Variants in EMSY observed in about 807,000 individuals in gnomAD.
EMSY encodes the protein EMSY transcriptional repressor, BRCA2 interacting, also known as BRCA2-interacting transcriptional repressor EMSY.
A neutral mutation model predicts 134.6 loss-of-function variants in EMSY; 26 were observed. The ratio of observed to expected loss-of-function variants is 0.19; its 90% confidence interval spans 0.14 to 0.27. The LOEUF is 0.27. EMSY is among the 10% of genes least tolerant of loss of function. The pLI is 1.00. For synonymous variants in EMSY, 579 were observed against 577.8 expected (o/e 1.00, Z -0.03); for missense variants, 1,305 against 1,611.4 (o/e 0.81, Z 3.26).
chr11:76,462,096 A>G (rs1948144471), intron 6 of EMSY, among the ~76,000 whole-genome samples: 1 of 151,788 alleles, frequency 6.6e-6, no homozygotes, highest in Non-Finnish European at 1.5e-5. Flanking sequence ...AAAATTAGCC[A>G]GGTGTGGTGG....
At chr11:76,465,138 A>C (rs1161317197) in intron 7 of EMSY, among the ~76,000 whole-genome samples, 1 of 151,946 alleles carries the variant, frequency 6.6e-6, no homozygotes, top group Non-Finnish European at 1.5e-5. Flanking sequence ...ACATTTCTTG[A>C]GTTATTTGAT....
In EMSY at chr11:76,514,172, TC is replaced by T. The variant is rs1414566397; in HGVS notation, c.1513+639del. 2.6e-5 allele frequency among the ~76,000 whole-genome samples: 4 copies of T among 152,182 alleles called. No individual in the cohort carries two copies. The East Asian group carries it at 7.7e-4, about 29-fold the overall frequency. On this transcript the variant is annotated intron_variant, in intron 10 of 20. Transcript: ENST00000334736. The stretch of plus-strand genomic sequence containing the variant: ...CTTTGTTTATTTGTTTTTGTTTTTT[TC>T]CTTGTTTATTTAAATGGGATAATAA...
intron 11 of EMSY, among the ~76,000 whole-genome samples, chr11:76,519,295 C>T (rs1268955412): frequency 6.6e-6 from 1 of 152,112 alleles, no homozygotes; most frequent in Non-Finnish European, 1.5e-5. Context: ...AAACTCCTGA[C>T]CTCAGGTGAT....
At chr11:76,490,070 C>T (rs74752710) in intron 8 of EMSY, among the ~76,000 whole-genome samples, 6,122 of 152,084 alleles carry the variant, frequency 0.04, 150 homozygotes, top group Admixed American at 0.051. Flanking sequence ...TATTAATTAT[C>T]GGTAGGATTG....
intron 17 of EMSY, among the ~76,000 whole-genome samples, chr11:76,540,723 A>G (rs1180297210): frequency 6.7e-6 from 1 of 148,552 alleles, no homozygotes; most frequent in Non-Finnish European, 1.5e-5. Context: ...ACACCCCACT[A>G]TGACTTTTCT....
At chr11:76,544,150 T>C in intron 18 of EMSY, 109 bp from the exon 20 acceptor site, 1 of 1,159,596 alleles carries the variant, frequency 8.6e-7, no homozygotes, top group Non-Finnish European at 1.2e-6. Flanking sequence ...TTCTAGGTTC[T>C]TCTGAAAATT....
chr11:76,496,073 T>A, intron 8 of EMSY, 142 bp from the exon 10 acceptor site: 1 of 827,124 alleles, frequency 1.2e-6, no homozygotes, highest in South Asian at 2.0e-5. Context: ...ACACATTTTA[T>A]CTGACACTTA....
chr11:76,470,330 A>G (rs1191860492), intron 7 of EMSY, among the ~76,000 whole-genome samples: 3 of 152,222 alleles, frequency 2.0e-5, no homozygotes, highest in Non-Finnish European at 1.5e-5. Context: ...ATACCACCCC[A>G]GAATAAAAAT....
intron 4 of EMSY, chr11:76,453,877 CTTAAT>C (rs1479428646): frequency 6.6e-6 from 1 of 152,008 alleles, no homozygotes; most frequent in Non-Finnish European, 1.5e-5. Context: ...TATAACATCT[CTTAAT>C]TTATTTTTAA....
chr11:76,494,239 C>A (rs1949539159), intron 8 of EMSY, among the ~76,000 whole-genome samples: 1 of 152,184 alleles, frequency 6.6e-6, no homozygotes, highest in Non-Finnish European at 1.5e-5. Context: ...CAGAATGAGC[C>A]CAGTGGGCAA....
chr11:76,495,133 C>G (rs1949599501), intron 8 of EMSY, among the ~76,000 whole-genome samples: 1 of 152,206 alleles, frequency 6.6e-6, no homozygotes, highest in South Asian at 2.1e-4. Flanking sequence ...AGTGAGGATG[C>G]TGAGGTCTAG....
chr11:76,481,546 C>A (rs527365437), intron 8 of EMSY, among the ~76,000 whole-genome samples: 2 of 152,206 alleles, frequency 1.3e-5, no homozygotes, highest in Admixed American at 1.3e-4. Flanking sequence ...CTGGGATGCT[C>A]AAGCTTGGTG....
chr11:76,475,281 A>G (rs1162339292), intron 8 of EMSY, among the ~76,000 whole-genome samples: 2 of 152,210 alleles, frequency 1.3e-5, no homozygotes, highest in South Asian at 2.1e-4. Flanking sequence ...GTTTTACTGT[A>G]TTAGAAAGAT....
At chr11:76,515,710 C>G (rs373759969) in intron 10 of EMSY, among the ~76,000 whole-genome samples, 4 of 152,302 alleles carry the variant, frequency 2.6e-5, no homozygotes, top group African/African-American at 9.6e-5. Context: ...GCCTTATTTG[C>G]TCAATGCCAA....
chr11:76,482,221 T>C lies in EMSY; in HGVS notation c.1108+9381T>C, dbSNP rs563168732. On this transcript the variant is annotated intron_variant, in intron 8 of 20. Coordinates refer to ENST00000334736, the Ensembl canonical transcript of EMSY. ...AGCATCAACATCAGCAAAAAGGATG[T>C]CCACACAGAAACCCCATCTAAAAGT... Among the ~76,000 whole-genome samples, 3 of 152,192 alleles carry C rather than the reference T, an allele frequency of 2.0e-5. No individual in the cohort carries two copies. The South Asian group carries it at 6.2e-4, about 32-fold the overall frequency.
chr11:76,522,512 C>T (rs1565344036), intron 11 of EMSY, among the ~76,000 whole-genome samples: 3 of 151,564 alleles, frequency 2.0e-5, no homozygotes, highest in African/African-American at 4.8e-5. Context: ...GGATTACAGG[C>T]GCCCGCCGCC....
chr11:76,474,916 A>C (rs1478344492), intron 8 of EMSY, among the ~76,000 whole-genome samples: 1 of 152,024 alleles, frequency 6.6e-6, no homozygotes, highest in African/African-American at 2.4e-5. Context: ...GGTGTGTGCC[A>C]CCACGCCTGG....
intron 8 of EMSY, among the ~76,000 whole-genome samples, chr11:76,490,932 A>T (rs1172291888): frequency 7.9e-5 from 12 of 152,132 alleles, no homozygotes; most frequent in Admixed American, 7.9e-4. Context: ...GTTCATAGTG[A>T]TACATCCAAT....
intron 19 of EMSY, 40 bp downstream of exon 20, chr11:76,544,862 G>A: frequency 1.3e-6 from 2 of 1,583,776 alleles, no homozygotes; most frequent in Admixed American, 1.7e-5. Flanking sequence ...AAACTTCTCT[G>A]TTCACGGAAA....
Sources: allele counts gnomAD v4.1 joint callset (sites outside exome capture counted in the v4.1 genomes callset), GRCh38; gene constraint gnomAD v4.1.1; transcripts MANE v1.5; gene names NCBI Gene and HGNC (gene_info 2026-07-23, HGNC 2026-07-21).